The following PATJ variants were observed in gnomAD, a reference collection of about 807,000 sequenced individuals.
The protein encoded by PATJ is inaD-like protein.
Under a neutral mutation model 224.9 loss-of-function variants are expected in PATJ, and 190 were observed. That is an observed-to-expected ratio of 0.84 (90% CI 0.75 to 0.95). The LOEUF (loss-of-function observed/expected upper bound fraction) is 0.95. PATJ is among the 40% of genes least tolerant of loss of function. The pLI, the probability that PATJ is intolerant of heterozygous loss-of-function variation, is 0.00. For synonymous variants in PATJ, 769 were observed against 820.3 expected, an observed-to-expected ratio of 0.94 and a Z score of 1.07; for missense variants, 2,121 against 2,270.3, an observed-to-expected ratio of 0.93 and a Z score of 1.34.
chr1:61,816,052 C>T (rs1274672045), intron 14 of PATJ, among the ~76,000 whole-genome samples: 1 of 152,142 alleles, frequency 6.6e-6, no homozygotes, highest in Non-Finnish European at 1.5e-5. Flanking sequence ...AGGTCCTGCT[C>T]TCTGGTTTTG....
intron 17 of PATJ, among the ~76,000 whole-genome samples, chr1:61,854,661 G>A (rs1048475679): frequency 2.6e-5 from 4 of 152,134 alleles, no homozygotes; most frequent in Non-Finnish European, 4.4e-5. Context: ...AACTTTCTGA[G>A]CCTCGGTTTC....
intron 26 of PATJ, among the ~76,000 whole-genome samples, chr1:61,921,503 C>T (rs1674332756): frequency 6.6e-6 from 1 of 152,106 alleles, no homozygotes; most frequent in African/African-American, 2.4e-5. Flanking sequence ...AGAGGTGTTT[C>T]TTTTTCCCTA....
chr1:61,744,256 C>T (rs557987905), intron 1 of PATJ, among the ~76,000 whole-genome samples: 2 of 111,456 alleles, frequency 1.8e-5, no homozygotes, highest in East Asian at 3.0e-4. Context: ...TACACTCCAG[C>T]CTGGGTGACA....
intron 26 of PATJ, among the ~76,000 whole-genome samples, chr1:61,923,335 A>G (rs1411035078): frequency 2.0e-5 from 3 of 152,192 alleles, no homozygotes; most frequent in South Asian, 2.1e-4. Flanking sequence ...CATAAGAGGC[A>G]TTCAGATCAT....
rs143956429 is a variant in PATJ, at chr1:62,030,331, C to T, written c.3960-7646C>T. Among the ~76,000 whole-genome samples, 895 of 152,216 alleles carry T rather than the reference C, an allele frequency of 5.9e-3. 7 individuals carry two copies. Among genetic ancestry groups the T allele is most frequent in the African/African-American group, 0.021 (854 of 41,520 alleles). On this transcript the variant is annotated intron_variant, in intron 29 of 43. Transcript: ENST00000642238. ...CTTTGACGTTTACATTATCTCATAA[C>T]AATTCTATTAATATTAGACATTATC...
intron 27 of PATJ, among the ~76,000 whole-genome samples, chr1:61,933,559 A>C (rs1237315717): frequency 1.3e-5 from 2 of 151,840 alleles, no homozygotes; most frequent in African/African-American, 2.4e-5. Flanking sequence ...AAAAAAAGGA[A>C]AAAAAGAATT....
intron 19 of PATJ, among the ~76,000 whole-genome samples, chr1:61,862,517 C>A (rs190292445): frequency 1.4e-4 from 22 of 152,182 alleles, no homozygotes; most frequent in East Asian, 5.8e-4. Flanking sequence ...AAACTAAATT[C>A]TTTCCTTCCA....
At chr1:61,924,930 C>CAAACAAGAAGACTAAAAAAT (rs1571318146) in intron 26 of PATJ, among the ~76,000 whole-genome samples, 1 of 54,302 alleles carries the variant, frequency 1.8e-5, no homozygotes, top group Admixed American at 2.1e-4. Context: ...GACAGACAGG[C>CAAACAAGAAGACTAAAAAAT]GGCCGGGCGC....
intron 27 of PATJ, among the ~76,000 whole-genome samples, chr1:61,950,581 A>C (rs1160606467): frequency 6.6e-6 from 1 of 152,210 alleles, no homozygotes; most frequent in Non-Finnish European, 1.5e-5. Flanking sequence ...CTACCTTGCC[A>C]ATAGGTGTCA....
chr1:61,836,674 A>G (rs1235352484), intron 17 of PATJ, among the ~76,000 whole-genome samples: 1 of 152,150 alleles, frequency 6.6e-6, no homozygotes, highest in East Asian at 1.9e-4. Flanking sequence ...GGGCAAGTTA[A>G]TTAATCGGTT....
intron 31 of PATJ, among the ~76,000 whole-genome samples, chr1:62,055,952 A>C (rs1654464863): frequency 6.6e-6 from 1 of 152,166 alleles, no homozygotes; most frequent in Admixed American, 6.5e-5. Flanking sequence ...TGCTGATAAA[A>C]GCTCTGCAGT....
intron 26 of PATJ, among the ~76,000 whole-genome samples, chr1:61,920,175 T>C (rs1163313286): frequency 6.6e-6 from 1 of 152,166 alleles, no homozygotes; most frequent in Non-Finnish European, 1.5e-5. Context: ...CCTTGGGAAA[T>C]TGGCCCTTTT....
chr1:62,103,027 T>G (rs931536793), intron 33 of PATJ, among the ~76,000 whole-genome samples: 1 of 152,102 alleles, frequency 6.6e-6, no homozygotes, highest in Non-Finnish European at 1.5e-5. Context: ...AGTCAAAGGC[T>G]TCAACTTCTG....
At chr1:62,159,979 C>T (rs1159920609) in intron 43 of PATJ, among the ~76,000 whole-genome samples, 1 of 152,100 alleles carries the variant, frequency 6.6e-6, no homozygotes, top group East Asian at 1.9e-4. Flanking sequence ...GTTAGTGCCT[C>T]CTAGCTCGGC....
intron 26 of PATJ, among the ~76,000 whole-genome samples, 175 bp downstream of exon 26, chr1:61,914,839 G>A (rs1190316874): frequency 6.6e-6 from 1 of 152,144 alleles, no homozygotes; most frequent in Non-Finnish European, 1.5e-5. Context: ...ATGGAGGACA[G>A]AAACCTGGTG....
intron 12 of PATJ, among the ~76,000 whole-genome samples, chr1:61,802,617 G>A (rs1455071530): frequency 6.6e-6 from 1 of 151,982 alleles, no homozygotes; most frequent in Non-Finnish European, 1.5e-5. Context: ...GATTATTGCT[G>A]TTTATACACA....
chr1:62,013,548 G>A (rs1646579712), intron 28 of PATJ: 10 of 966,876 alleles, frequency 1.0e-5, no homozygotes, highest in Non-Finnish European at 1.2e-5. Context: ...GCGTGCCTGC[G>A]CTGATGGTTA....
At chr1:61,946,802 G>A (rs929381315) in intron 27 of PATJ, among the ~76,000 whole-genome samples, 9 of 152,088 alleles carry the variant, frequency 5.9e-5, no homozygotes, top group Admixed American at 2.0e-4. Context: ...GATGAACATC[G>A]ATGCAGAAAT....
rs1241545295 is a variant in PATJ, at chr1:62,007,992, C to A, written c.3868-9864C>A. On this transcript the variant is annotated intron_variant, in intron 28 of 43. Transcript: ENST00000642238. ...TAGAATCTATTGTAATGGTGTGAAT[C>A]CCTCCTGGAATCTGAAGATCGGGAT... Among the ~76,000 whole-genome samples the A allele has an allele frequency of 4.6e-5, 7 of 152,294 alleles. No individual in the cohort carries two copies. In the East Asian group the frequency reaches 1.2e-3, roughly 25 times the overall value.
Sources: allele counts gnomAD v4.1 joint callset (sites outside exome capture counted in the v4.1 genomes callset), GRCh38; gene constraint gnomAD v4.1.1; transcripts MANE v1.5; gene names NCBI Gene and HGNC (gene_info 2026-07-23, HGNC 2026-07-21).